The following LRMDA variants were observed in gnomAD, a reference collection of about 807,000 sequenced individuals.
LRMDA encodes leucine-rich melanocyte differentiation-associated protein.
LRMDA carries 18 observed loss-of-function variants against 29.8 expected under a neutral mutation model. The ratio of observed to expected loss-of-function variants is 0.60; its 90% CI spans 0.42 to 0.90. The LOEUF (loss-of-function observed/expected upper bound fraction) is 0.90. LRMDA is among the 40% of genes least tolerant of loss of function. The probability of loss-of-function intolerance (pLI) is 0.00; values close to 1 mark genes in which losing one functional copy is unlikely to be tolerated. For synonymous variants in LRMDA, 125 were observed against 109.4 expected (o/e 1.14, Z -0.89); for missense variants, 273 against 273.9 (o/e 1.00, Z 0.02).
chr10:75,526,252 A>G (rs1045587947), intron 2 of LRMDA, among the ~76,000 whole-genome samples: 3 of 151,712 alleles, frequency 2.0e-5, no homozygotes, highest in Non-Finnish European at 4.4e-5. Flanking sequence ...TTTTGTAGAG[A>G]TTGGGTCTCG....
chr10:76,373,215 C>A (rs1841476056), intron 6 of LRMDA, among the ~76,000 whole-genome samples: 1 of 152,100 alleles, frequency 6.6e-6, no homozygotes, highest in Non-Finnish European at 1.5e-5. Flanking sequence ...TCCATACATT[C>A]TTCCAAAGTT....
intron 5 of LRMDA, among the ~76,000 whole-genome samples, chr10:76,208,025 C>T (rs1267923205): frequency 2.0e-5 from 3 of 152,076 alleles, no homozygotes; most frequent in Non-Finnish European, 4.4e-5. Context: ...CCCTCTAGAC[C>T]TTCCATACTC....
intron 6 of LRMDA, among the ~76,000 whole-genome samples, chr10:76,331,144 A>C (rs1311611639): frequency 6.6e-6 from 1 of 152,156 alleles, no homozygotes; most frequent in East Asian, 1.9e-4. Context: ...AGTGGCAGGC[A>C]CCTGTAATCC....
At chr10:76,330,153 G>A (rs1564726066) in intron 6 of LRMDA, among the ~76,000 whole-genome samples, 1 of 152,114 alleles carries the variant, frequency 6.6e-6, no homozygotes, top group Admixed American at 6.5e-5. Flanking sequence ...GGAGGTGCAG[G>A]GGCAGAATGA....
At chr10:75,923,386 T>C (rs1322922404) in intron 2 of LRMDA, among the ~76,000 whole-genome samples, 1 of 152,168 alleles carries the variant, frequency 6.6e-6, no homozygotes, top group African/African-American at 2.4e-5. Context: ...CGGTGATGGG[T>C]ACCCTCAAAA....
chr10:75,693,841 A>G (rs550990484), intron 2 of LRMDA, among the ~76,000 whole-genome samples: 2 of 152,206 alleles, frequency 1.3e-5, no homozygotes, highest in Non-Finnish European at 2.9e-5. Context: ...AGGATGGTAC[A>G]ATTTATTTCA....
chr10:76,534,993 G>A (rs545323975), intron 6 of LRMDA, among the ~76,000 whole-genome samples: 16 of 152,278 alleles, frequency 1.1e-4, no homozygotes, highest in African/African-American at 3.6e-4. Context: ...TTCCTTGCCT[G>A]TCTTCCACCA....
At chr10:76,326,272 A>G (rs905085618) in intron 6 of LRMDA, among the ~76,000 whole-genome samples, 14 of 152,238 alleles carry the variant, frequency 9.2e-5, no homozygotes, top group Non-Finnish European at 1.6e-4. Context: ...TCAGCTTAGC[A>G]TAAACCAATT....
chr10:76,117,223 G>A (rs1196631501), intron 5 of LRMDA, among the ~76,000 whole-genome samples: 1 of 152,172 alleles, frequency 6.6e-6, no homozygotes, highest in African/African-American at 2.4e-5. Context: ...GGAGGGAGAA[G>A]GAAGAATGGA....
At chr10:75,962,022 C>T (rs1846777033) in intron 2 of LRMDA, among the ~76,000 whole-genome samples, 1 of 152,164 alleles carries the variant, frequency 6.6e-6, no homozygotes, top group Admixed American at 6.5e-5. Flanking sequence ...CCAAATCTCC[C>T]CTTGGTGTAA....
chr10:75,670,011 G>T (rs7902118), intron 2 of LRMDA, among the ~76,000 whole-genome samples: 1 of 152,098 alleles, frequency 6.6e-6, no homozygotes, highest in South Asian at 2.1e-4. Context: ...TAAAAATATA[G>T]CAACTCTTTA....
rs116684111 is a variant in LRMDA, at chr10:76,403,681, G to C, written c.601+79196G>C. Among the ~76,000 whole-genome samples, 619 of 152,236 alleles carry C rather than the reference G, an allele frequency of 4.1e-3. 3 individuals are homozygous for C. The highest frequency in any genetic ancestry group is 0.014 in the African/African-American group (600 of 41,540). On this transcript the variant is annotated intron_variant, in intron 6 of 6. Coordinates refer to ENST00000611255, the MANE Select transcript of LRMDA (RefSeq NM_001305581.2). The stretch of plus-strand genomic sequence containing the variant: ...ATAATTATAATTTTGAAGAGTTTCA[G>C]CTTGCTGTCAGCCAAGTAATTAAAG...
At chr10:76,100,454 C>T (rs546366018) in intron 5 of LRMDA, among the ~76,000 whole-genome samples, 9 of 152,316 alleles carry the variant, frequency 5.9e-5, no homozygotes, top group South Asian at 4.1e-4. Context: ...ACAAGCTTCC[C>T]GTGGCTTCAG....
At position 76,345,211 on chromosome 10, in the gene LRMDA, C is replaced by A. The variant is rs1286797164; in HGVS notation, c.601+20726C>A. 1.6e-4 allele frequency among the ~76,000 whole-genome samples: 24 copies of A among 149,854 alleles called. No homozygotes were observed. The East Asian group carries it at 4.5e-3, about 28-fold the overall frequency. On this transcript the variant is annotated intron_variant, in intron 6 of 6. Coordinates refer to ENST00000611255, the MANE Select transcript of LRMDA (RefSeq NM_001305581.2). ...CCTCCCGAGTAGCTGGGACTACAGGCGCCCGCTACCACGCCCGGCTAATTT... is the reference window on the plus strand; with the variant it reads ...CCTCCCGAGTAGCTGGGACTACAGGAGCCCGCTACCACGCCCGGCTAATTT...
At chr10:75,727,680 A>G (rs1179027458) in intron 2 of LRMDA, among the ~76,000 whole-genome samples, 1 of 152,234 alleles carries the variant, frequency 6.6e-6, no homozygotes, top group Non-Finnish European at 1.5e-5. Flanking sequence ...AACAAAGAAG[A>G]TGATAATCTG....
chr10:76,538,730 T>C (rs1843320216), intron 6 of LRMDA, among the ~76,000 whole-genome samples: 1 of 152,026 alleles, frequency 6.6e-6, no homozygotes, highest in Non-Finnish European at 1.5e-5. Context: ...AAGGCAGGCA[T>C]TGAAAGAAAA....
intron 5 of LRMDA, among the ~76,000 whole-genome samples, chr10:76,300,926 A>G (rs1840472644): frequency 6.6e-6 from 1 of 152,208 alleles, no homozygotes; most frequent in Non-Finnish European, 1.5e-5. Flanking sequence ...GCTTATGGGA[A>G]CATGCCAAGT....
At chr10:76,450,199 A>G (rs1480463551) in intron 6 of LRMDA, among the ~76,000 whole-genome samples, 1 of 152,066 alleles carries the variant, frequency 6.6e-6, no homozygotes, top group Admixed American at 6.5e-5. Context: ...TTTTACATGA[A>G]CAACTTGGAC....
chr10:76,307,423 CAGG>C (rs1319878404), intron 5 of LRMDA, among the ~76,000 whole-genome samples: 1 of 152,102 alleles, frequency 6.6e-6, no homozygotes, highest in African/African-American at 2.4e-5. Context: ...AAGACTTACA[CAGG>C]AGGTCGTCTG....
Sources: allele counts gnomAD v4.1 joint callset (sites outside exome capture counted in the v4.1 genomes callset), GRCh38; gene constraint gnomAD v4.1.1; transcripts MANE v1.5; gene names NCBI Gene and HGNC (gene_info 2026-07-23, HGNC 2026-07-21).